The following EFCAB7 variants were observed in gnomAD, a reference collection of about 807,000 sequenced individuals.
EFCAB7 encodes the protein EF-hand calcium binding domain 7, also known as EF-hand calcium-binding domain-containing protein 7.
A neutral mutation model predicts 77.1 loss-of-function variants in EFCAB7; 66 were observed. The observed-to-expected ratio is 0.86, with a 90% CI of 0.70 to 1.05. The LOEUF is 1.05. EFCAB7 is among the 50% of genes least tolerant of loss of function. The pLI is 0.00. For missense variants in EFCAB7, 638 were observed against 730.5 expected, an observed-to-expected ratio of 0.87 and a Z score of 1.46; for synonymous variants, 225 against 243.3, an observed-to-expected ratio of 0.92 and a Z score of 0.70.
At chr1:63,579,857 G>C in the EFCAB7 span, among the ~76,000 whole-genome samples, 1 of 152,076 alleles carries the variant, frequency 6.6e-6, no homozygotes, top group Non-Finnish European at 1.5e-5. Flanking sequence ...CTTTTTGATG[G>C]TGTGCTTCTT....
At chr1:63,580,628 AT>A in the EFCAB7 span, among the ~76,000 whole-genome samples, 1 of 152,130 alleles carries the variant, frequency 6.6e-6, no homozygotes, top group Non-Finnish European at 1.5e-5. Flanking sequence ...TCCTGCTGGG[AT>A]TTTAACTGGT....
intron 10 of EFCAB7, among the ~76,000 whole-genome samples, chr1:63,561,238 T>TCTC (rs1324031578): frequency 6.6e-6 from 1 of 152,188 alleles, no homozygotes; most frequent in African/African-American, 2.4e-5. Context: ...CATATAGTAA[T>TCTC]CTCCTTAAAT....
intron 3 of EFCAB7, 149 bp from the exon 4 acceptor site, chr1:63,532,521 C>T: frequency 1.8e-6 from 1 of 562,826 alleles, no homozygotes. Context: ...CCGCCTCATT[C>T]TTTCTTTATA....
intron 6 of EFCAB7, among the ~76,000 whole-genome samples, chr1:63,538,988 T>C (rs1646797120): frequency 1.3e-5 from 2 of 152,226 alleles, no homozygotes; most frequent in South Asian, 2.1e-4. Flanking sequence ...TATTTAATGT[T>C]ATAGTATGTA....
At chr1:63,555,148 G>A in intron 8 of EFCAB7, 1 of 377,392 alleles carries the variant, frequency 2.6e-6, no homozygotes, top group Non-Finnish European at 4.7e-6. Flanking sequence ...ATAAAGAACT[G>A]CTGTATCTAA....
chr1:63,566,422 A>C (rs568133116), intron 11 of EFCAB7, among the ~76,000 whole-genome samples: 1 of 152,342 alleles, frequency 6.6e-6, no homozygotes, highest in Non-Finnish European at 1.5e-5. Context: ...TGGGTGATGA[A>C]ATAATCTTAC....
intron 7 of EFCAB7, 96 bp from the exon 8 acceptor site, chr1:63,551,629 T>A: frequency 2.0e-6 from 1 of 505,450 alleles, no homozygotes; most frequent in East Asian, 3.7e-5. Context: ...CTAAAGAAAA[T>A]ATCCAAGAAG....
intron 8 of EFCAB7, among the ~76,000 whole-genome samples, chr1:63,553,363 A>G (rs1347589671): frequency 6.6e-6 from 1 of 152,190 alleles, no homozygotes; most frequent in African/African-American, 2.4e-5. Flanking sequence ...TTGTTTTGAG[A>G]CGGAGTCTTG....
At chr1:63,552,408 C>A (rs1646976628) in intron 8 of EFCAB7, among the ~76,000 whole-genome samples, 1 of 151,760 alleles carries the variant, frequency 6.6e-6, no homozygotes, top group Admixed American at 6.6e-5. Context: ...ATTTTTTTTC[C>A]CTAAATGCAA....
At chr1:63,562,495 A>ATATATATATAT (rs1159517087) in intron 11 of EFCAB7, among the ~76,000 whole-genome samples, 34 of 72,798 alleles carry the variant, frequency 4.7e-4, no homozygotes, top group Non-Finnish European at 7.0e-4. Context: ...ATATATATAT[A>ATATATATATAT]AAACTTTTTT....
chr1:63,568,366 T>A lies in EFCAB7; in HGVS notation c.1554T>A (p.Ala518=). The change falls in exon 12 of 14, where the codon GCT becomes GCA. Residue 518 remains alanine (A), a synonymous_variant. Transcript: ENST00000371088. ...AAAAATGCAAGCCAAAAATTAAAGC[T>A]GTCCATATGGAGGCATGTAGTGGAC... ...YAEKCKPKIK[A]VHMEACSGQL... is the part of the protein sequence containing the mutation. 1 of 1,600,294 alleles carries A rather than the reference T, an allele frequency of 6.2e-7. No homozygotes were observed. Among genetic ancestry groups the A allele is most frequent in the Non-Finnish European group, 8.5e-7 (1 of 1,175,522 alleles).
At chr1:63,533,002 A>T (rs998920713) in intron 4 of EFCAB7, among the ~76,000 whole-genome samples, 5 of 152,100 alleles carry the variant, frequency 3.3e-5, no homozygotes, top group Non-Finnish European at 5.9e-5. Context: ...ATGAAATTTA[A>T]TTTTTCCAGT....
chr1:63,543,088 G>C (rs372242070), intron 6 of EFCAB7, among the ~76,000 whole-genome samples: 327 of 152,256 alleles, frequency 2.1e-3, no homozygotes, highest in African/African-American at 7.7e-3. Context: ...AGCATATTTA[G>C]GTCTTCAGGT....
chr1:63,582,889 G>C, the EFCAB7 span, among the ~76,000 whole-genome samples: 2 of 152,296 alleles, frequency 1.3e-5, no homozygotes, highest in Non-Finnish European at 2.9e-5. Flanking sequence ...ACAGGCGTGA[G>C]CCACCGCACC....
At chr1:63,541,809 C>CA (rs961475082) in intron 6 of EFCAB7, among the ~76,000 whole-genome samples, 6 of 152,100 alleles carry the variant, frequency 3.9e-5, no homozygotes, top group African/African-American at 1.4e-4. Flanking sequence ...GTGATGCACC[C>CA]ACCTTGGCCT....
chr1:63,534,164 T>TG lies in EFCAB7; in HGVS notation c.757dup (p.Ala253GlyfsTer2), dbSNP rs1455841397. 9.3e-6 allele frequency: 15 copies of TG among 1,613,172 alleles called. No individual in the cohort carries two copies. Among genetic ancestry groups the TG allele is most frequent in the Non-Finnish European group, 1.3e-5 (15 of 1,179,492 alleles). On this transcript the variant is annotated frameshift_variant, in exon 6 of 14. Coordinates refer to ENST00000371088, the MANE Select transcript of EFCAB7 (RefSeq NM_032437.4). LOFTEE classifies it high-confidence loss of function. ...ACATCTGTTTCCTTCACAGTTACCATGGGGGCTAATGGTAACCGAAACTCA... is the reference window on the plus strand; with the variant it reads ...ACATCTGTTTCCTTCACAGTTACCATGGGGGGCTAATGGTAACCGAAACTCA...
chr1:63,582,871 C>T, the EFCAB7 span, among the ~76,000 whole-genome samples: 1 of 152,150 alleles, frequency 6.6e-6, no homozygotes, highest in South Asian at 2.1e-4. Flanking sequence ...TCCCAAAGTG[C>T]TGGGATTACA....
chr1:63,524,512 C>T (rs1646544328), intron 1 of EFCAB7, among the ~76,000 whole-genome samples: 1 of 152,172 alleles, frequency 6.6e-6, no homozygotes, highest in Admixed American at 6.5e-5. Context: ...GTGATTTAGG[C>T]CTCCTGAGTA....
chr1:63,533,976 A>G (rs1646731923), intron 5 of EFCAB7, 119 bp from the exon 6 acceptor site: 3 of 1,119,520 alleles, frequency 2.7e-6, no homozygotes, highest in East Asian at 2.4e-5. Context: ...TTATTTCAAT[A>G]GGGAGAACAA....
Sources: allele counts gnomAD v4.1 joint callset (sites outside exome capture counted in the v4.1 genomes callset), GRCh38; gene constraint gnomAD v4.1.1; transcripts MANE v1.5; gene names NCBI Gene and HGNC (gene_info 2026-07-23, HGNC 2026-07-21).